ASTN2: variants seen among roughly 807,000 people sequenced by gnomAD.
ASTN2 encodes astrotactin 2.
A neutral mutation model predicts 139.8 loss-of-function variants in ASTN2; 54 were observed. The ratio of observed to expected loss-of-function variants is 0.39; its 90% CI spans 0.31 to 0.48. The LOEUF is 0.48. Among genes scored for constraint, ASTN2 ranks in the 20% least tolerant of loss-of-function variants. The pLI, the probability that ASTN2 is intolerant of heterozygous loss-of-function variation, is 0.95. For synonymous variants in ASTN2, 756 were observed against 719.5 expected (o/e 1.05, Z -0.81); for missense variants, 1,565 against 1,725.1 (o/e 0.91, Z 1.64).
chr9:116,762,622 T>A (rs780295232), intron 13 of ASTN2, among the ~76,000 whole-genome samples: 1 of 152,236 alleles, frequency 6.6e-6, no homozygotes, highest in Non-Finnish European at 1.5e-5. Flanking sequence ...TAAAAGGTAA[T>A]AATATTTTGT....
chr9:117,376,920 G>A (rs2130921788), intron 1 of ASTN2, among the ~76,000 whole-genome samples: 1 of 152,224 alleles, frequency 6.6e-6, no homozygotes, highest in Non-Finnish European at 1.5e-5. Context: ...ACCGCTAGCT[G>A]TGCAACTAAT....
chr9:116,737,871 G>A (rs1010337265), intron 13 of ASTN2, among the ~76,000 whole-genome samples: 11 of 152,260 alleles, frequency 7.2e-5, no homozygotes, highest in East Asian at 5.8e-4. Context: ...AGGACTTGGC[G>A]GGGGAAGGTT....
intron 4 of ASTN2, among the ~76,000 whole-genome samples, chr9:117,126,444 G>A (rs1010685092): frequency 1.3e-5 from 2 of 152,174 alleles, no homozygotes; most frequent in Non-Finnish European, 2.9e-5. Context: ...TTAGAGAAAG[G>A]TTGTTACAGT....
chr9:116,760,079 C>CA (rs1384979518), intron 13 of ASTN2, among the ~76,000 whole-genome samples: 1 of 151,944 alleles, frequency 6.6e-6, no homozygotes, highest in Non-Finnish European at 1.5e-5. Flanking sequence ...AGGAGCTTAC[C>CA]AAAAAAATAA....
At chr9:117,387,697 G>A (rs1830434975) in intron 1 of ASTN2, among the ~76,000 whole-genome samples, 1 of 152,134 alleles carries the variant, frequency 6.6e-6, no homozygotes, top group African/African-American at 2.4e-5. Flanking sequence ...AAGATCCACA[G>A]GCTTCCTAGC....
intron 1 of ASTN2, among the ~76,000 whole-genome samples, chr9:117,352,147 T>C (rs537919865): frequency 6.6e-6 from 1 of 152,164 alleles, no homozygotes; most frequent in Non-Finnish European, 1.5e-5. Context: ...AGCCCTGGGC[T>C]GAGGAGAACA....
At chr9:116,859,115 C>T (rs1291355398) in intron 11 of ASTN2, among the ~76,000 whole-genome samples, 4 of 152,232 alleles carry the variant, frequency 2.6e-5, no homozygotes, top group African/African-American at 9.6e-5. Context: ...CGCTGCCTCT[C>T]TCTACCCCAC....
chr9:117,019,109 A>G (rs1837799774), intron 6 of ASTN2, among the ~76,000 whole-genome samples: 1 of 151,808 alleles, frequency 6.6e-6, no homozygotes, highest in Non-Finnish European at 1.5e-5. Flanking sequence ...TACATCTCTC[A>G]TTACTTCTGT....
At chr9:116,665,169 T>C (rs1283933565) in intron 16 of ASTN2, among the ~76,000 whole-genome samples, 1 of 152,210 alleles carries the variant, frequency 6.6e-6, no homozygotes, top group Non-Finnish European at 1.5e-5. Context: ...TTGTACAGCC[T>C]ACAGAACTGT....
At position 116,618,367 on chromosome 9, in the gene ASTN2, C is replaced by T. The variant is rs904168795; in HGVS notation, c.3312G>A (p.Gln1104=). The T allele has an allele frequency of 2.5e-6, 4 of 1,614,150 alleles. No homozygotes were observed. The highest frequency in any genetic ancestry group is 1.7e-5 in the Admixed American group (1 of 60,030). Residue 1104 remains glutamine (Q), a synonymous_variant, in exon 19 of 23, where the codon CAG becomes CAA. Transcript: ENST00000313400. ...CTGTGTATTCATCCACTTTCTTATG[C>T]TGCAGAATATAGTCGGAGACCTTGG... ...IGTKVSDYIL[Q]HKKVDEYTDT...
At chr9:116,723,549 C>T (rs550080333) in intron 16 of ASTN2, among the ~76,000 whole-genome samples, 1 of 152,200 alleles carries the variant, frequency 6.6e-6, no homozygotes, top group African/African-American at 2.4e-5. Context: ...GCCTGGTTTC[C>T]AACGTTTAGC....
chr9:116,513,509 T>C (rs1275929760), intron 19 of ASTN2, among the ~76,000 whole-genome samples: 1 of 151,438 alleles, frequency 6.6e-6, no homozygotes, highest in Non-Finnish European at 1.5e-5. Flanking sequence ...GAGTTCTTTG[T>C]GGCTTTCTCT....
chr9:117,188,298 G>C (rs1021540210), intron 3 of ASTN2, among the ~76,000 whole-genome samples: 1 of 152,048 alleles, frequency 6.6e-6, no homozygotes, highest in Non-Finnish European at 1.5e-5. Flanking sequence ...GATAAGATTA[G>C]AATCTGACCC....
intron 5 of ASTN2, among the ~76,000 whole-genome samples, chr9:117,075,269 A>T (rs1011947002): frequency 2.6e-5 from 4 of 152,148 alleles, no homozygotes; most frequent in Admixed American, 6.5e-5. Context: ...CAAATGCTCC[A>T]GCCTCCCCTA....
chr9:117,247,580 C>T (rs73517256), intron 2 of ASTN2, among the ~76,000 whole-genome samples: 9,223 of 152,238 alleles, frequency 0.061, 697 homozygotes, highest in African/African-American at 0.17. Flanking sequence ...TTAGTTTCTG[C>T]TGTATTGAGA....
intron 1 of ASTN2, among the ~76,000 whole-genome samples, chr9:117,399,133 T>C (rs926381183): frequency 6.6e-6 from 1 of 152,230 alleles, no homozygotes; most frequent in Non-Finnish European, 1.5e-5. Flanking sequence ...GTGTACTCTC[T>C]GCTGGAGTTA....
intron 3 of ASTN2, among the ~76,000 whole-genome samples, chr9:117,186,607 A>G (rs1355201722): frequency 1.3e-5 from 2 of 152,130 alleles, no homozygotes; most frequent in Non-Finnish European, 2.9e-5. Flanking sequence ...CATTAGCTGA[A>G]CTAAATAGCC....
At chr9:116,724,684 G>GT (rs1357819337) in intron 16 of ASTN2, among the ~76,000 whole-genome samples, 2 of 152,168 alleles carry the variant, frequency 1.3e-5, no homozygotes, top group African/African-American at 2.4e-5. Context: ...ACATTTTGTG[G>GT]TTTTTTGTTA....
intron 2 of ASTN2, among the ~76,000 whole-genome samples, chr9:117,278,910 T>C (rs1834260290): frequency 6.6e-6 from 1 of 152,184 alleles, no homozygotes; most frequent in African/African-American, 2.4e-5. Flanking sequence ...CACACTGCCC[T>C]GAGATTTAGA....
Sources: gnomAD v4.1 joint callset for allele counts (sites outside exome capture counted in the v4.1 genomes callset) on GRCh38, gnomAD v4.1.1 for gene constraint, MANE v1.5 for transcripts, NCBI Gene and HGNC (gene_info 2026-07-23, HGNC 2026-07-21) for gene names.